Variants in CACNA2D2 observed in about 807,000 individuals in gnomAD.
The protein encoded by CACNA2D2 is calcium voltage-gated channel auxiliary subunit alpha2delta 2, also known as voltage-dependent calcium channel subunit alpha-2/delta-2.
CACNA2D2 carries 48 observed loss-of-function variants against 166.4 expected under a neutral mutation model. The observed-to-expected ratio is 0.29, with a 90% CI of 0.23 to 0.37. The LOEUF (loss-of-function observed/expected upper bound fraction) is 0.37. Ranked by LOEUF, CACNA2D2 falls within the 10% of genes least tolerant of loss-of-function variation. The probability of loss-of-function intolerance (pLI) is 1.00; values close to 1 mark genes in which losing one functional copy is unlikely to be tolerated. For missense variants in CACNA2D2, 1,122 were observed against 1,433.0 expected (o/e 0.78, Z 3.50); for synonymous variants, 561 against 573.7 (o/e 0.98, Z 0.32).
rs1469602086 is a variant in CACNA2D2, at chr3:50,380,900, A to C, written c.784+95T>G. 6.4e-7 allele frequency: 1 copy of C among 1,560,144 alleles called. No homozygotes were observed. Among genetic ancestry groups the C allele is most frequent in the African/African-American group, 1.4e-5 (1 of 73,724 alleles). ...GCGACTGGGCTGCCACAGACTACAG[A>C]GAAGCCACCCCGCCCCATGCCCCCA... On this transcript the variant is annotated intron_variant, in intron 7 of 37. Coordinates refer to ENST00000424201, the MANE Select transcript of CACNA2D2 (RefSeq NM_006030.4). The surrounding 1 kb of genome is among the most constrained non-coding windows in gnomAD (Gnocchi z 4.9).
intron 3 of CACNA2D2, among the ~76,000 whole-genome samples, chr3:50,406,615 A>G (rs374497200): frequency 5.2e-5 from 5 of 96,010 alleles, no homozygotes; most frequent in African/African-American, 1.4e-4. Flanking sequence ...ATATTACTCC[A>G]TCATCATCAG....
At chr3:50,403,820 T>G (rs1176836332) in intron 3 of CACNA2D2, among the ~76,000 whole-genome samples, 1 of 152,222 alleles carries the variant, frequency 6.6e-6, no homozygotes, top group Non-Finnish European at 1.5e-5. Flanking sequence ...TCCCCTCCCC[T>G]GGCTAGCTCC....
chr3:50,445,769 C>G (rs1457096890), intron 2 of CACNA2D2, among the ~76,000 whole-genome samples: 1 of 152,200 alleles, frequency 6.6e-6, no homozygotes, highest in Non-Finnish European at 1.5e-5. Flanking sequence ...CACAAGAAAG[C>G]TCCCATTTTG....
chr3:50,456,566 G>C (rs1027263189), intron 2 of CACNA2D2, among the ~76,000 whole-genome samples: 1 of 152,210 alleles, frequency 6.6e-6, no homozygotes, highest in Admixed American at 6.5e-5. Context: ...GGCCGAGGCA[G>C]TCAGAACGAC....
chr3:50,419,292 G>A (rs1490890702), intron 3 of CACNA2D2, among the ~76,000 whole-genome samples: 1 of 152,182 alleles, frequency 6.6e-6, no homozygotes, highest in Non-Finnish European at 1.5e-5. Flanking sequence ...GCCTCGGAAA[G>A]GGGGATGGGC....
At chr3:50,385,818 G>T (rs1705572796) in intron 5 of CACNA2D2, among the ~76,000 whole-genome samples, 1 of 152,240 alleles carries the variant, frequency 6.6e-6, no homozygotes, top group African/African-American at 2.4e-5. Flanking sequence ...CTCAGAGGAG[G>T]GGGAGGCGCG....
chr3:50,441,922 G>A (rs533550189), intron 2 of CACNA2D2, among the ~76,000 whole-genome samples: 1 of 152,334 alleles, frequency 6.6e-6, no homozygotes, highest in South Asian at 2.1e-4. Context: ...CCCAAAGCCT[G>A]AAAGCAACAC....
At position 50,455,798 on chromosome 3, in the gene CACNA2D2, C is replaced by T. The variant is rs150365673; in HGVS notation, c.288+20320G>A. 3.4e-3 allele frequency among the ~76,000 whole-genome samples: 518 copies of T among 152,294 alleles called. 4 individuals carry two copies. The highest frequency in any genetic ancestry group is 0.012 in the African/African-American group (486 of 41,542). ...ATCTCAGCGATGGAAAGGCTTCCTCCGGCGTCTCACCAGCAGTAGCGCAGA... is the reference window on the plus strand; with the variant it reads ...ATCTCAGCGATGGAAAGGCTTCCTCTGGCGTCTCACCAGCAGTAGCGCAGA... On this transcript the variant is annotated intron_variant, in intron 2 of 37. Coordinates refer to ENST00000424201, the MANE Select transcript of CACNA2D2 (RefSeq NM_006030.4).
In CACNA2D2 at chr3:50,379,179, G is replaced by A; in HGVS notation, c.1173C>T (p.Asn391=). ...QLQNSNITRA[N]CNKMIMMFTD... is the part of the protein sequence containing the mutation. ...TGAACATCATGATCATCTTGTTGCA[G>A]TTGGCCCGAGTGATGTTGGACTGAG... Residue 391 remains asparagine (N), a synonymous_variant, in exon 12 of 38, where the codon AAC becomes AAT. Coordinates refer to ENST00000424201, the MANE Select transcript of CACNA2D2 (RefSeq NM_006030.4). The surrounding 1 kb of genome is among the most constrained non-coding windows in gnomAD (Gnocchi z 6.5). The A allele has an allele frequency of 6.2e-7, 1 of 1,613,864 alleles. No individual in the cohort carries two copies. Among genetic ancestry groups the A allele is most frequent in the South Asian group, 1.1e-5 (1 of 91,074 alleles).
intron 2 of CACNA2D2, among the ~76,000 whole-genome samples, chr3:50,445,563 G>C (rs61493458): frequency 6.6e-6 from 1 of 152,034 alleles, no homozygotes; most frequent in Non-Finnish European, 1.5e-5. Flanking sequence ...GTGCCCTTAA[G>C]TCTTCTGTAG....
Position 50,367,137 on chromosome 3 carries a change from TG to T in CACNA2D2, c.2402-29del. 1.3e-6 allele frequency: 2 copies of T among 1,570,150 alleles called. No homozygotes were observed. ...GGGGGTTGGGTGGGGAAGTCAGGAGTGGGGTCTGGCGGCCACACTGACCACT... is the reference window on the plus strand; with the variant it reads ...GGGGGTTGGGTGGGGAAGTCAGGAGTGGGTCTGGCGGCCACACTGACCACT... On this transcript the variant is annotated intron_variant, in intron 27 of 37. Coordinates refer to ENST00000424201, the MANE Select transcript of CACNA2D2 (RefSeq NM_006030.4). This position sits in a 1 kb window ranked among gnomAD's most constrained non-coding sequence, Gnocchi z 6.5.
At chr3:50,468,421 G>A (rs1196484124) in intron 2 of CACNA2D2, among the ~76,000 whole-genome samples, 1 of 149,062 alleles carries the variant, frequency 6.7e-6, no homozygotes, top group African/African-American at 2.5e-5. Context: ...GTGTGTGTGT[G>A]TGTGTGTGTG....
At chr3:50,371,996 A>C (rs1483187846) in intron 22 of CACNA2D2, among the ~76,000 whole-genome samples, 1 of 151,348 alleles carries the variant, frequency 6.6e-6, no homozygotes, top group Non-Finnish European at 1.5e-5. Context: ...TAGGCTGGAC[A>C]GGGCCCCTAG....
At chr3:50,496,684 C>CACCCCA (rs1435937862) in intron 1 of CACNA2D2, among the ~76,000 whole-genome samples, 1 of 152,234 alleles carries the variant, frequency 6.6e-6, no homozygotes, top group Admixed American at 6.5e-5. Flanking sequence ...CAGTCTATCA[C>CACCCCA]ACCCCAACCC....
chr3:50,502,354 G>A (rs1699008074), intron 1 of CACNA2D2, among the ~76,000 whole-genome samples: 1 of 152,228 alleles, frequency 6.6e-6, no homozygotes, highest in Admixed American at 6.5e-5. Context: ...ACAGTGTCAG[G>A]AAACTGATAC....
intron 2 of CACNA2D2, among the ~76,000 whole-genome samples, chr3:50,462,162 G>T (rs913576348): frequency 1.3e-5 from 2 of 152,066 alleles, no homozygotes; most frequent in African/African-American, 2.4e-5. Flanking sequence ...GGCAGGGGAA[G>T]TGGATCACTT....
chr3:50,407,656 T>A (rs180701105), intron 3 of CACNA2D2, among the ~76,000 whole-genome samples: 3 of 152,322 alleles, frequency 2.0e-5, no homozygotes, highest in East Asian at 3.9e-4. Flanking sequence ...ACCTCCTCCC[T>A]AACACGGGGC....
intron 2 of CACNA2D2, among the ~76,000 whole-genome samples, chr3:50,459,345 C>T (rs187237070): frequency 6.6e-6 from 1 of 152,252 alleles, no homozygotes; most frequent in East Asian, 1.9e-4. Flanking sequence ...GGTGTCACTG[C>T]TGTCCATAGA....
intron 22 of CACNA2D2, among the ~76,000 whole-genome samples, chr3:50,372,109 C>G (rs1704683160): frequency 6.6e-6 from 1 of 152,094 alleles, no homozygotes; most frequent in Non-Finnish European, 1.5e-5. Flanking sequence ...CTCTCTGAGA[C>G]CTTTGTAATG....
Sources: allele counts gnomAD v4.1 joint callset (sites outside exome capture counted in the v4.1 genomes callset), GRCh38; gene constraint gnomAD v4.1.1; non-coding constraint Gnocchi (gnomAD v3.1); transcripts MANE v1.5; gene names NCBI Gene and HGNC (gene_info 2026-07-23, HGNC 2026-07-21).